Variants in ELAC2 observed in about 807,000 individuals in gnomAD.
ELAC2 encodes zinc phosphodiesterase ELAC protein 2.
A neutral mutation model predicts 105.2 loss-of-function variants in ELAC2; 92 were observed. The observed-to-expected ratio is 0.87, with a 90% confidence interval of 0.74 to 1.04. ELAC2 has a LOEUF of 1.04. Among genes scored for constraint, ELAC2 ranks in the 50% least tolerant of loss-of-function variants. The pLI is 0.00. For missense variants in ELAC2, 1,099 were observed against 1,071.7 expected (o/e 1.03, Z -0.36); for synonymous variants, 468 against 409.1 (o/e 1.14, Z -1.74).
Position 13,013,202 on chromosome 17 carries a change from C to T in ELAC2, c.559+5G>A. On this transcript the variant is annotated splice_donor_5th_base_variant and intron_variant, in intron 6 of 23. Coordinates refer to ENST00000338034, the MANE Select transcript of ELAC2 (RefSeq NM_018127.7). ...CCTCCTGGGAAACCTGGCTTTCATACTCACTGTGTATGGGGATCTGGTAAA... is the reference window on the plus strand; with the variant it reads ...CCTCCTGGGAAACCTGGCTTTCATATTCACTGTGTATGGGGATCTGGTAAA... 6.2e-7 allele frequency: 1 copy of T among 1,614,176 alleles called. No individual in the cohort carries two copies. Among genetic ancestry groups the T allele is most frequent in the South Asian group, 1.1e-5 (1 of 91,080 alleles).
In ELAC2 at chr17:12,992,198, A is replaced by AAAAG. The variant is rs147804197; in HGVS notation, c.*616_*619dup. ...TGAGCTGGCACAGCTCGAGTTGTCA[A>AAAAG]AAAGACTTGGCGAATAAGGGTGGCT... On this transcript the variant is annotated 3_prime_UTR_variant, in exon 24 of 24. Transcript: ENST00000338034. Among the ~76,000 whole-genome samples the AAAAG allele has an allele frequency of 1.3e-3, 198 of 152,248 alleles. 3 individuals are homozygous for AAAAG. In the East Asian group the frequency reaches 0.037, roughly 28 times the overall value.
At position 12,992,864 on chromosome 17, in the gene ELAC2, C is replaced by A. The variant is rs560083267; in HGVS notation, c.2435G>T (p.Arg812Leu). ...GGCCTGTGGCTCCTCTGTGTGGGCC[C>A]GCTTCTGCTGAGGCTCCCCATCCTC... ...GLEDGEPQQK[R>L]AHTEEPQAKK... Residue 812 changes from arginine (R) to leucine (L), a missense_variant, in exon 24 of 24, where the codon CGG becomes CTG. Coordinates refer to ENST00000338034, the MANE Select transcript of ELAC2 (RefSeq NM_018127.7). 19 of 1,613,556 alleles carry A rather than the reference C, an allele frequency of 1.2e-5. 1 individual carries two copies. Among genetic ancestry groups the A allele is most frequent in the Non-Finnish European group, 1.6e-5 (19 of 1,180,024 alleles).
chr17:12,998,838 G>T, intron 15 of ELAC2, among the ~76,000 whole-genome samples: 1 of 152,144 alleles, frequency 6.6e-6, no homozygotes, highest in Non-Finnish European at 1.5e-5. Flanking sequence ...GTCTTCACAA[G>T]CGTCCACTTC....
At chr17:13,000,785 C>T (rs73298504) in intron 14 of ELAC2, 50,109 of 188,826 alleles carry the variant, frequency 0.27, 6,930 homozygotes, top group Middle Eastern at 0.32. Context: ...CTAGCAAGCC[C>T]CAGATCACAC....
chr17:13,008,376 G>A (rs948129083), intron 8 of ELAC2, among the ~76,000 whole-genome samples: 2 of 152,010 alleles, frequency 1.3e-5, no homozygotes, highest in Non-Finnish European at 2.9e-5. Flanking sequence ...GCTGGGCATG[G>A]TGGTGCGCTC....
In ELAC2 at chr17:12,992,634, A is replaced by G; in HGVS notation, c.*184T>C. 2 of 668,018 alleles carry G rather than the reference A, an allele frequency of 3.0e-6. No homozygotes were observed. Among genetic ancestry groups the G allele is most frequent in the South Asian group, 3.8e-5 (2 of 53,236 alleles). 41.4% of individuals were successfully genotyped at this position (668,018 alleles called of 1,614,324 possible). A position where few individuals can be genotyped will look rare whatever the true frequency, so the allele number is the denominator to read the frequency against. The stretch of plus-strand genomic sequence containing the variant: ...CGCGGCTGTGCCAGGCACCAGTCCT[A>G]AGAGGCATCTATAGACTAGTGCTTA... On this transcript the variant is annotated 3_prime_UTR_variant, in exon 24 of 24. Transcript: ENST00000338034.
At chr17:13,013,039 T>C (rs115388422) in intron 6 of ELAC2, among the ~76,000 whole-genome samples, 168 bp downstream of exon 6, 1 of 152,238 alleles carries the variant, frequency 6.6e-6, no homozygotes, top group African/African-American at 2.4e-5. Flanking sequence ...TCCGTAAGTT[T>C]ATAAGCCAGG....
Position 12,992,136 on chromosome 17 carries a change from T to G in ELAC2, c.*682A>C, listed in dbSNP as rs1476279037. 8.2e-6 allele frequency among the ~76,000 whole-genome samples: 1 copy of G among 121,970 alleles called. No individual in the cohort carries two copies. Among genetic ancestry groups the G allele is most frequent in the Non-Finnish European group, 2.0e-5 (1 of 50,732 alleles). The allele number at this position is 121,970 out of a possible 152,430, so 80.0% of individuals were successfully genotyped here. A position where few individuals can be genotyped will look rare whatever the true frequency, so the allele number is the denominator to read the frequency against. On this transcript the variant is annotated 3_prime_UTR_variant, in exon 24 of 24. Transcript: ENST00000338034. ...GGCTCTCACTGATTGATTTGATTGATTGATTGATTGATTGATAGAGAAAGC... is the reference window on the plus strand; with the variant it reads ...GGCTCTCACTGATTGATTTGATTGAGTGATTGATTGATTGATAGAGAAAGC...
At chr17:13,006,839 T>C (rs2041137053) in intron 8 of ELAC2, among the ~76,000 whole-genome samples, 1 of 152,200 alleles carries the variant, frequency 6.6e-6, no homozygotes, top group Non-Finnish European at 1.5e-5. Context: ...AAATCTCTAA[T>C]AGCCAGGCAC....
chr17:13,010,009 T>G (rs1380548434), intron 8 of ELAC2, among the ~76,000 whole-genome samples: 8 of 107,404 alleles, frequency 7.4e-5, no homozygotes, highest in Non-Finnish European at 1.2e-4. Flanking sequence ...AAAAAAAAAA[T>G]GTACGGAGGC....
intron 3 of ELAC2, 56 bp from the exon 4 acceptor site, chr17:13,015,888 A>G (rs994248013): frequency 7.4e-7 from 1 of 1,355,676 alleles, no homozygotes; most frequent in African/African-American, 1.4e-5. Context: ...CGTCACTAAC[A>G]GGAGGAGCAC....
At chr17:13,008,518 G>GAA (rs139255553) in intron 8 of ELAC2, among the ~76,000 whole-genome samples, 1 of 150,618 alleles carries the variant, frequency 6.6e-6, no homozygotes, top group African/African-American at 2.4e-5. Flanking sequence ...CTCAAAAAAA[G>GAA]AAAAAAAAAG....
rs2040933090 is a variant in ELAC2, at chr17:13,003,441, AAG to A, written c.1079+36_1079+37del. The A allele has an allele frequency of 1.9e-6, 3 of 1,589,594 alleles. No individual in the cohort carries two copies. In the African/African-American group the frequency reaches 4.0e-5, roughly 21 times the overall value. ...GAAAGGGGAATCCACCACTGCCCAGAAGAGTTACCCCAAGTGCCGCTGGGCTG... is the reference window on the plus strand; with the variant it reads ...GAAAGGGGAATCCACCACTGCCCAGAAGTTACCCCAAGTGCCGCTGGGCTG... On this transcript the variant is annotated intron_variant, in intron 12 of 23. Coordinates refer to ENST00000338034, the MANE Select transcript of ELAC2 (RefSeq NM_018127.7).
Position 12,992,438 on chromosome 17 carries a change from C to G in ELAC2, c.*380G>C, listed in dbSNP as rs2040231578. 3 of 394,312 alleles carry G rather than the reference C, an allele frequency of 7.6e-6. No homozygotes were observed. The highest frequency in any genetic ancestry group is 8.6e-5 in the East Asian group (2 of 23,382). The allele number at this position is 394,312 out of a possible 1,614,324, so 24.4% of individuals were successfully genotyped here. On this transcript the variant is annotated 3_prime_UTR_variant, in exon 24 of 24. Transcript: ENST00000338034. ...AGCTGAAATACTATTTTCGTTAAGT[C>G]TCGGACACTTAGACCCACTGATCCT...
Position 12,991,857 on chromosome 17 carries a change from T to G in ELAC2, c.*961A>C, listed in dbSNP as rs113469732. On this transcript the variant is annotated 3_prime_UTR_variant, in exon 24 of 24. Transcript: ENST00000338034. ...TAAATACTAGATTCAACTTACTTACTTACTTACTTACTTTACTTACTTACT... is the reference window on the plus strand; with the variant it reads ...TAAATACTAGATTCAACTTACTTACGTACTTACTTACTTTACTTACTTACT... 6.7e-6 allele frequency among the ~76,000 whole-genome samples: 1 copy of G among 149,126 alleles called. No homozygotes were observed. The highest frequency in any genetic ancestry group is 1.5e-5 in the Non-Finnish European group (1 of 66,742).
Position 13,005,076 on chromosome 17 carries a change from G to A in ELAC2, c.896C>T (p.Pro299Leu). 2 of 1,614,204 alleles carry A rather than the reference G, an allele frequency of 1.2e-6. No homozygotes were observed. The highest frequency in any genetic ancestry group is 1.1e-5 in the South Asian group (1 of 91,080). ...CACAAAAGCAGCACCAGGATCTGGA[G>A]GAGTACACAGCTCTTCAGCCAAAAT... ...REILAEELCT[P>L]PDPGAAFVVV... Residue 299 changes from proline to leucine, a missense_variant, in exon 11 of 24, where the codon CCT becomes CTT. Transcript: ENST00000338034.
intron 15 of ELAC2, among the ~76,000 whole-genome samples, chr17:12,999,469 T>G (rs1164766989): frequency 1.3e-5 from 2 of 152,228 alleles, no homozygotes; most frequent in African/African-American, 4.8e-5. Flanking sequence ...TCAGCCTCAG[T>G]TGAGTGACGT....
intron 16 of ELAC2, among the ~76,000 whole-genome samples, chr17:12,997,064 T>C (rs2040513167): frequency 6.6e-6 from 1 of 152,030 alleles, no homozygotes; most frequent in Non-Finnish European, 1.5e-5. Context: ...CACTGGGCCA[T>C]ATGAGACTCT....
chr17:12,993,807 C>T lies in ELAC2; in HGVS notation c.2133G>A (p.Val711=), dbSNP rs763499768. Residue 711 remains valine, a synonymous_variant, in exon 23 of 24, where the codon GTG becomes GTA. Coordinates refer to ENST00000338034, the MANE Select transcript of ELAC2 (RefSeq NM_018127.7). ...TGAACTCCGCGTTCATCCGCATCCC[C>T]ACGCTGATGGCTTGGGACGTTGTGC... is the stretch of plus-strand genomic sequence containing the variant. ...THSTTSQAIS[V]GMRMNAEFIM... The T allele has an allele frequency of 6.2e-7, 1 of 1,614,206 alleles. No homozygotes were observed. Among genetic ancestry groups the T allele is most frequent in the Non-Finnish European group, 8.5e-7 (1 of 1,180,036 alleles).
Sources: gnomAD v4.1 joint callset for allele counts (sites outside exome capture counted in the v4.1 genomes callset) on GRCh38, gnomAD v4.1.1 for gene constraint, MANE v1.5 for transcripts, NCBI Gene and HGNC (gene_info 2026-07-23, HGNC 2026-07-21) for gene names.